The following RALGDS variants were observed in gnomAD, a reference collection of about 807,000 sequenced individuals.
RALGDS encodes ral guanine nucleotide exchange factor.
RALGDS carries 44 observed loss-of-function variants against 99.8 expected under a neutral mutation model. The ratio of observed to expected loss-of-function variants is 0.44; its 90% CI spans 0.35 to 0.57. RALGDS has a LOEUF of 0.57. RALGDS is among the 20% of genes least tolerant of loss of function. The pLI, the probability that RALGDS is intolerant of heterozygous loss-of-function variation, is 0.01. For missense variants in RALGDS, 1,022 were observed against 1,203.1 expected (o/e 0.85, Z 2.23); for synonymous variants, 529 against 505.0 (o/e 1.05, Z -0.64).
intron 1 of RALGDS, chr9:133,129,170 A>G (rs1832255904): frequency 6.3e-7 from 1 of 1,590,196 alleles, no homozygotes; most frequent in African/African-American, 1.3e-5. Flanking sequence ...CAGAGGTGCC[A>G]GCCAAGGTGT....
At chr9:133,115,967 G>A (rs1165449568) in intron 1 of RALGDS, among the ~76,000 whole-genome samples, 3 of 152,254 alleles carry the variant, frequency 2.0e-5, no homozygotes, top group South Asian at 2.1e-4. Context: ...ACAGTGCGGG[G>A]CCCACGCTGC....
intron 11 of RALGDS, among the ~76,000 whole-genome samples, 161 bp from the exon 12 acceptor site, chr9:133,103,423 A>G (rs568781492): frequency 6.6e-5 from 10 of 152,286 alleles, no homozygotes; most frequent in African/African-American, 2.2e-4. Context: ...ACATGCGGGC[A>G]GAGGCTTGGG....
At position 133,103,695 on chromosome 9, in the gene RALGDS, A is replaced by G. The variant is rs962462733; in HGVS notation, c.1758+52T>C. 7 of 1,566,508 alleles carry G rather than the reference A, an allele frequency of 4.5e-6. No individual in the cohort carries two copies. In the African/African-American group the frequency reaches 9.5e-5, roughly 21 times the overall value. ...TGTGGCAGCCCAGCCCCCAGGGCTC[A>G]GGGAAGGTCTCTCCTCCCGGGCCCT... On this transcript the variant is annotated intron_variant, in intron 11 of 17. Coordinates refer to ENST00000372050, the MANE Select transcript of RALGDS (RefSeq NM_006266.4).
rs371163663 is a variant in RALGDS, at chr9:133,112,033, C to A, written c.294+9G>T. On this transcript the variant is annotated intron_variant, in intron 2 of 17. Transcript: ENST00000372050. ...TGCGTCTCCCAGTGGAGACCCCGAGCGCACTCACCCCGAGCCAGCGCTGCC... is the reference window on the plus strand; with the variant it reads ...TGCGTCTCCCAGTGGAGACCCCGAGAGCACTCACCCCGAGCCAGCGCTGCC... 2.1e-5 allele frequency: 33 copies of A among 1,559,752 alleles called. No individual in the cohort carries two copies. Among genetic ancestry groups the A allele is most frequent in the Non-Finnish European group, 2.7e-5 (31 of 1,150,026 alleles).
upstream of RALGDS, chr9:133,121,282 CGGGGCCGGAGGGGAAGAGGGT>C (rs1266482212): frequency 1.7e-5 from 10 of 582,770 alleles, no homozygotes; most frequent in East Asian, 1.6e-4. Context: ...GGCTGGGGGG[CGGGGCCGGAGGGGAAGAGGGT>C]GGGGCCGGGG....
At chr9:133,132,456 C>T (rs1468261287), upstream of RALGDS, among the ~76,000 whole-genome samples, 3 of 151,928 alleles carry the variant, frequency 2.0e-5, no homozygotes, top group Non-Finnish European at 2.9e-5. Flanking sequence ...GAGCTTACCA[C>T]GTGGTTTGAG....
In RALGDS at chr9:133,097,918, A is replaced by G. The variant is rs186490488; in HGVS notation, c.*669T>C. Reference sequence around the variant, plus strand: ...CGTCTTGCATGGTCTCGTAAAGCCCAGGACGCAGTGGTGAATGGCACTTGC... The same window carrying G: ...CGTCTTGCATGGTCTCGTAAAGCCCGGGACGCAGTGGTGAATGGCACTTGC... On this transcript the variant is annotated 3_prime_UTR_variant, in exon 18 of 18. Transcript: ENST00000372050. 2.7e-3 allele frequency: 614 copies of G among 226,310 alleles called. 4 individuals are homozygous for G. Among genetic ancestry groups the G allele is most frequent in the African/African-American group, 0.013 (556 of 43,040 alleles). 14.0% of individuals were successfully genotyped at this position (226,310 alleles called of 1,614,324 possible).
chr9:133,148,609 G>C (rs553235551), intron 1 of RALGDS, among the ~76,000 whole-genome samples: 1 of 152,382 alleles, frequency 6.6e-6, no homozygotes, highest in Non-Finnish European at 1.5e-5. Flanking sequence ...CGTGCGCGGA[G>C]AAGCCCAGGC....
chr9:133,104,202 G>A, intron 10 of RALGDS, 61 bp downstream of exon 10: 1 of 1,518,952 alleles, frequency 6.6e-7, no homozygotes. Context: ...AGAGAGGAAA[G>A]GGCCCTCCTC....
Position 133,121,181 on chromosome 9 carries a change from C to T in RALGDS, c.-27G>A, listed in dbSNP as rs1564245726. ...GAAGGCTCGCAGCGCGGGCGCGGGGCCGGCCCGGCGCGCGGCGGGGGCGGC... is the reference window on the plus strand; with the variant it reads ...GAAGGCTCGCAGCGCGGGCGCGGGGTCGGCCCGGCGCGCGGCGGGGGCGGC... On this transcript the variant is annotated 5_prime_UTR_variant, in exon 1 of 18. Coordinates refer to ENST00000372050, the MANE Select transcript of RALGDS (RefSeq NM_006266.4). The T allele has an allele frequency of 3.8e-6, 4 of 1,042,168 alleles. No homozygotes were observed. The highest frequency in any genetic ancestry group is 1.8e-5 in the African/African-American group (1 of 56,218). 64.6% of individuals were successfully genotyped at this position (1,042,168 alleles called of 1,614,324 possible). A position where few individuals can be genotyped will look rare whatever the true frequency, so the allele number is the denominator to read the frequency against.
At chr9:133,121,936 C>CA (rs5901006), upstream of RALGDS, among the ~76,000 whole-genome samples, 82,515 of 152,010 alleles carry the variant, frequency 0.54, 22,534 homozygotes, top group Middle Eastern at 0.64. Context: ...GGGGCCCTAC[C>CA]TTTTTGGGGC....
Position 133,105,896 on chromosome 9 carries a change from CGCCCCAGCCCCCGCCCCA to C in RALGDS, c.1602+18_1602+35del. 1 of 64,574 alleles carries C rather than the reference CGCCCCAGCCCCCGCCCCA, an allele frequency of 1.5e-5. No homozygotes were observed. The allele number at this position is 64,574 out of a possible 1,614,324, so 4.0% of individuals were successfully genotyped here. A position where few individuals can be genotyped will look rare whatever the true frequency, so the allele number is the denominator to read the frequency against. On this transcript the variant is annotated intron_variant, in intron 9 of 17. Transcript: ENST00000372050. ...CCGCCCCAGCCCCCGCCCCAGCCCC[CGCCCCAGCCCCCGCCCCA>C]GCCTGCCGCCACTCCACCTTGATGA...
At chr9:133,148,161 C>T (rs982059741) in intron 1 of RALGDS, among the ~76,000 whole-genome samples, 11 of 152,232 alleles carry the variant, frequency 7.2e-5, no homozygotes, top group Non-Finnish European at 5.9e-5. Context: ...CCGACAGACA[C>T]GTCTACGAGC....
chr9:133,123,285 T>C (rs937877304), upstream of RALGDS, among the ~76,000 whole-genome samples: 2 of 152,084 alleles, frequency 1.3e-5, no homozygotes, highest in Non-Finnish European at 2.9e-5. Context: ...TCTCCTCTGC[T>C]CTCTTTATCT....
intron 1 of RALGDS, chr9:133,148,938 G>C: frequency 6.2e-7 from 1 of 1,601,898 alleles, no homozygotes; most frequent in African/African-American, 1.3e-5. Flanking sequence ...CCCGCGACGC[G>C]AGGCTGGGGA....
chr9:133,112,032 G>C lies in RALGDS; in HGVS notation c.294+10C>G, dbSNP rs1208034812. 8 of 1,559,438 alleles carry C rather than the reference G, an allele frequency of 5.1e-6. No homozygotes were observed. In the Middle Eastern group the frequency reaches 6.6e-4, roughly 129 times the overall value. On this transcript the variant is annotated intron_variant, in intron 2 of 17. Transcript: ENST00000372050. ...CTGCGTCTCCCAGTGGAGACCCCGA[G>C]CGCACTCACCCCGAGCCAGCGCTGC...
chr9:133,104,463 G>T, intron 9 of RALGDS, 132 bp from the exon 10 acceptor site: 1 of 827,704 alleles, frequency 1.2e-6, no homozygotes, highest in Non-Finnish European at 2.0e-6. Flanking sequence ...TGGGGTCCTG[G>T]GCCGGTGGCC....
intron 6 of RALGDS, among the ~76,000 whole-genome samples, chr9:133,107,546 G>A (rs75305750): frequency 0.048 from 7,025 of 146,648 alleles, 274 homozygotes; most frequent in East Asian, 0.21. Flanking sequence ...CCATCCCCCC[G>A]CCTCAGTCTG....
At chr9:133,109,787 A>ATT (rs368366646) in intron 3 of RALGDS, 66 bp from the exon 4 acceptor site, 46 of 1,128,992 alleles carry the variant, frequency 4.1e-5, no homozygotes, top group African/African-American at 2.2e-4. Context: ...GAGGGCAGGG[A>ATT]TTTTTTTTTT....
Sources: gnomAD v4.1 joint callset for allele counts (sites outside exome capture counted in the v4.1 genomes callset) on GRCh38, gnomAD v4.1.1 for gene constraint, MANE v1.5 for transcripts, NCBI Gene and HGNC (gene_info 2026-07-23, HGNC 2026-07-21) for gene names.